Variants in GNA14 observed in about 807,000 individuals in gnomAD.
The protein encoded by GNA14 is G protein subunit alpha 14, also known as guanine nucleotide-binding protein subunit alpha-14.
A neutral mutation model predicts 42.0 loss-of-function variants in GNA14; 50 were observed. The observed-to-expected ratio is 1.19, with a 90% CI of 0.95 to 1.51. The LOEUF is 1.51. Among genes scored for constraint, GNA14 ranks in the 40% most tolerant of loss-of-function variants. The pLI is 0.00. For synonymous variants in GNA14, 173 were observed against 163.1 expected (o/e 1.06, Z -0.46); for missense variants, 473 against 446.2 (o/e 1.06, Z -0.54).
In GNA14 at chr9:77,510,329, C is replaced by T. The variant is rs941933688; in HGVS notation, c.309+18740G>A. On this transcript the variant is annotated intron_variant, in intron 2 of 6. Coordinates refer to ENST00000341700, the MANE Select transcript of GNA14 (RefSeq NM_004297.4). ...ATTGAATAATATTCCAGTATATGGA[C>T]GTTGCACACTTTATTTTATTATTTT... Among the ~76,000 whole-genome samples, 10 of 152,164 alleles carry T rather than the reference C, an allele frequency of 6.6e-5. No individual in the cohort carries two copies. The East Asian group carries it at 1.2e-3, about 18-fold the overall frequency.
At chr9:77,586,604 GCA>G (rs928160326) in intron 1 of GNA14, among the ~76,000 whole-genome samples, 1 of 152,220 alleles carries the variant, frequency 6.6e-6, no homozygotes, top group African/African-American at 2.4e-5. Flanking sequence ...TCTCTCTCCT[GCA>G]CACAGAGGGG....
At chr9:77,561,731 C>T (rs946378348) in intron 1 of GNA14, among the ~76,000 whole-genome samples, 1 of 152,162 alleles carries the variant, frequency 6.6e-6, no homozygotes, top group African/African-American at 2.4e-5. Context: ...ACTGTAAATG[C>T]ACTTGATGCC....
rs1824259137 is a variant in GNA14 at position 77,641,109 on chromosome 9, GAAGGAAGGAAGGAAGGAA to G, written c.124+6543_124+6560del. ...GGGGAGGGGAGGGGGGGGAAGGAAG[GAAGGAAGGAAGGAAGGAA>G]GGAAGGAAGGAAGGAAGGAAGGAAG... On this transcript the variant is annotated intron_variant, in intron 1 of 6. Coordinates refer to ENST00000341700, the MANE Select transcript of GNA14 (RefSeq NM_004297.4). Among the ~76,000 whole-genome samples the G allele has an allele frequency of 3.8e-4, 2 of 5,258 alleles. 1 individual carries two copies. Among genetic ancestry groups the G allele is most frequent in the African/African-American group, 1.4e-3 (2 of 1,392 alleles). 3.4% of individuals were successfully genotyped at this position (5,258 alleles called of 152,430 possible).
rs368575092 is a variant in GNA14, at chr9:77,575,445, G to C, written c.125-46192C>G. On this transcript the variant is annotated intron_variant, in intron 1 of 6. Transcript: ENST00000341700. ...CCTTCTAGAATGAAAGGTTCTTATT[G>C]AGATATCAAATTTACCTAAACTTTC... Among the ~76,000 whole-genome samples the C allele has an allele frequency of 2.9e-4, 44 of 152,226 alleles. No homozygotes were observed. In the East Asian group the frequency reaches 5.4e-3, roughly 19 times the overall value.
intron 2 of GNA14, among the ~76,000 whole-genome samples, chr9:77,480,376 C>T (rs1265704121): frequency 6.6e-6 from 1 of 152,168 alleles, no homozygotes; most frequent in Non-Finnish European, 1.5e-5. Flanking sequence ...TATGCTGAAC[C>T]AGCCTTGCAT....
chr9:77,464,930 G>A (rs1362792594), intron 2 of GNA14, among the ~76,000 whole-genome samples: 1 of 152,084 alleles, frequency 6.6e-6, no homozygotes, highest in Non-Finnish European at 1.5e-5. Flanking sequence ...GCCAGACACA[G>A]ACACAGAGGG....
intron 1 of GNA14, among the ~76,000 whole-genome samples, chr9:77,588,594 G>T (rs1823341641): frequency 6.6e-6 from 1 of 152,130 alleles, no homozygotes; most frequent in South Asian, 2.1e-4. Context: ...GGATATAGAA[G>T]CAGGGATAAG....
intron 2 of GNA14, among the ~76,000 whole-genome samples, chr9:77,528,613 GA>G (rs904977414): frequency 6.6e-6 from 1 of 152,096 alleles, no homozygotes; most frequent in Non-Finnish European, 1.5e-5. Context: ...CAAGAAGGGT[GA>G]ACTCCCAGAA....
chr9:77,644,814 CA>C (rs1236390121), intron 1 of GNA14, among the ~76,000 whole-genome samples: 1 of 152,212 alleles, frequency 6.6e-6, no homozygotes, highest in Non-Finnish European at 1.5e-5. Context: ...ACAGGAAAAT[CA>C]ATAAAACATC....
chr9:77,485,998 C>A (rs36039453), intron 2 of GNA14, among the ~76,000 whole-genome samples: 2,518 of 152,260 alleles, frequency 0.017, 34 homozygotes, highest in South Asian at 0.035. Flanking sequence ...GCTGCATTAA[C>A]CCCTAACAAG....
intron 1 of GNA14, among the ~76,000 whole-genome samples, chr9:77,599,804 A>G (rs1823526801): frequency 1.3e-5 from 2 of 152,300 alleles, no homozygotes; most frequent in Non-Finnish European, 1.5e-5. Flanking sequence ...AGTTACATTG[A>G]GGTTTAAGAT....
chr9:77,461,356 T>C (rs570824843), intron 2 of GNA14, among the ~76,000 whole-genome samples: 3 of 152,356 alleles, frequency 2.0e-5, no homozygotes, highest in Admixed American at 1.3e-4. Context: ...ATTATTAACA[T>C]TGAGAAGCTC....
intron 1 of GNA14, among the ~76,000 whole-genome samples, chr9:77,550,704 C>A (rs1393985029): frequency 6.6e-6 from 1 of 152,204 alleles, no homozygotes; most frequent in Non-Finnish European, 1.5e-5. Flanking sequence ...ATTCTATAAT[C>A]CAACCATTGT....
At chr9:77,640,842 CATGTT>C (rs755778847) in intron 1 of GNA14, among the ~76,000 whole-genome samples, 1 of 95,906 alleles carries the variant, frequency 1.0e-5, no homozygotes, top group Non-Finnish European at 1.9e-5. Flanking sequence ...GAGCCTGGGG[CATGTT>C]ATGCCAGAAA....
At chr9:77,450,125 G>A (rs1000707509) in intron 2 of GNA14, among the ~76,000 whole-genome samples, 7 of 152,196 alleles carry the variant, frequency 4.6e-5, no homozygotes, top group Non-Finnish European at 1.0e-4. Flanking sequence ...TTGGCATTCT[G>A]GTTGCCGGCT....
chr9:77,595,598 CTGT>C (rs1823452285), intron 1 of GNA14, among the ~76,000 whole-genome samples: 1 of 152,166 alleles, frequency 6.6e-6, no homozygotes, highest in South Asian at 2.1e-4. Flanking sequence ...CCCTTCCGAA[CTGT>C]TGTTCTCGAA....
At chr9:77,625,599 G>T (rs1260778581) in intron 1 of GNA14, among the ~76,000 whole-genome samples, 1 of 152,110 alleles carries the variant, frequency 6.6e-6, no homozygotes, top group Non-Finnish European at 1.5e-5. Context: ...TTAAAGAAAA[G>T]AATTTTCAAC....
chr9:77,531,984 G>A (rs1455135117), intron 1 of GNA14, among the ~76,000 whole-genome samples: 3 of 152,028 alleles, frequency 2.0e-5, no homozygotes, highest in Non-Finnish European at 2.9e-5. Context: ...AACCAAATGC[G>A]GAGCAAAAGA....
At chr9:77,505,029 G>T (rs553376010) in intron 2 of GNA14, among the ~76,000 whole-genome samples, 51 of 152,026 alleles carry the variant, frequency 3.4e-4, no homozygotes, top group Non-Finnish European at 6.0e-4. Flanking sequence ...CTAATCATTT[G>T]TACTCCCCCT....
Sources: gnomAD v4.1 joint callset for allele counts (sites outside exome capture counted in the v4.1 genomes callset) on GRCh38, gnomAD v4.1.1 for gene constraint, MANE v1.5 for transcripts, NCBI Gene and HGNC (gene_info 2026-07-23, HGNC 2026-07-21) for gene names.